Variants in KCNMB2 observed in about 807,000 individuals in gnomAD.
KCNMB2 encodes the protein calcium-activated potassium channel subunit beta-2.
In KCNMB2, 9 loss-of-function variants were observed where a neutral mutation model predicts 24.5. The observed-to-expected ratio is 0.37, with a 90% CI of 0.22 to 0.64. The LOEUF (loss-of-function observed/expected upper bound fraction) is 0.64. Ranked by LOEUF, KCNMB2 falls within the 30% of genes least tolerant of loss-of-function variation. KCNMB2 has a pLI of 0.63. For synonymous variants in KCNMB2, 109 were observed against 104.4 expected (o/e 1.04, Z -0.27); for missense variants, 226 against 284.3 (o/e 0.79, Z 1.47).
At chr3:178,835,301 G>A (rs750299062) in intron 4 of KCNMB2, among the ~76,000 whole-genome samples, 13 of 152,068 alleles carry the variant, frequency 8.5e-5, no homozygotes, top group Non-Finnish European at 1.5e-4. Flanking sequence ...CGGTCCACTT[G>A]CCAAAATCAA....
chr3:178,828,350 G>A lies in KCNMB2; in HGVS notation c.400G>A (p.Glu134Lys). ...AAAGCTCCTCCTCTACCACACAGAA[G>A]AGACAATAAAAATCAATCAGAAGGT... ...GEKLLLYHTEETIKINQKCSY... is the reference protein window; with the variant it reads ...GEKLLLYHTEKTIKINQKCSY... The change falls in exon 4 of 5, where the codon GAG becomes AAG. Residue 134 changes from glutamate to lysine, a missense_variant. By Grantham distance (56) the Glu-to-Lys change is moderately conservative (BLOSUM62 1). Transcript: ENST00000452583. 1 of 1,613,616 alleles carries A rather than the reference G, an allele frequency of 6.2e-7. No homozygotes were observed. The highest frequency in any genetic ancestry group is 8.5e-7 in the Non-Finnish European group (1 of 1,179,740).
At chr3:178,729,132 A>G (rs1422676297) in intron 1 of KCNMB2, among the ~76,000 whole-genome samples, 2 of 152,212 alleles carry the variant, frequency 1.3e-5, no homozygotes. Context: ...ATTGCTAGTC[A>G]GGTTTGTTAA....
intron 1 of KCNMB2, 45 bp from the exon 2 acceptor site, chr3:178,807,298 T>G: frequency 7.8e-6 from 6 of 773,686 alleles, no homozygotes; most frequent in Non-Finnish European, 1.3e-5. Flanking sequence ...GTCAATCCAC[T>G]GAGAGCTATT....
chr3:178,772,745 T>C (rs1326539189), intron 1 of KCNMB2, among the ~76,000 whole-genome samples: 4 of 152,208 alleles, frequency 2.6e-5, no homozygotes, highest in Admixed American at 1.3e-4. Context: ...TAAATAATTG[T>C]TTAAAAATGA....
chr3:178,667,194 A>G (rs2108577814), intron 1 of KCNMB2, among the ~76,000 whole-genome samples: 1 of 152,196 alleles, frequency 6.6e-6, no homozygotes, highest in Non-Finnish European at 1.5e-5. Flanking sequence ...GCCTATTCCA[A>G]TCTGATTGGT....
chr3:178,821,199 AG>A (rs1714611738), intron 2 of KCNMB2, among the ~76,000 whole-genome samples: 1 of 152,208 alleles, frequency 6.6e-6, no homozygotes, highest in South Asian at 2.1e-4. Flanking sequence ...ATAGACAGAA[AG>A]AACCAAAGGG....
chr3:178,799,492 A>G (rs1713688928), intron 1 of KCNMB2, among the ~76,000 whole-genome samples: 1 of 152,170 alleles, frequency 6.6e-6, no homozygotes, highest in South Asian at 2.1e-4. Flanking sequence ...GAACTCTACA[A>G]TGAAAACTAT....
chr3:178,795,999 C>T (rs1713528101), intron 1 of KCNMB2, among the ~76,000 whole-genome samples: 1 of 152,088 alleles, frequency 6.6e-6, no homozygotes, highest in Non-Finnish European at 1.5e-5. Context: ...AACAGCTGGA[C>T]AGCGCTCTGG....
chr3:178,689,460 C>A (rs576582802), intron 1 of KCNMB2, among the ~76,000 whole-genome samples: 1 of 152,140 alleles, frequency 6.6e-6, no homozygotes, highest in South Asian at 2.1e-4. Flanking sequence ...AAGGTGAAAT[C>A]CCGTCTCTAC....
chr3:178,671,615 T>C (rs1328045386), intron 1 of KCNMB2, among the ~76,000 whole-genome samples: 1 of 152,068 alleles, frequency 6.6e-6, no homozygotes, highest in East Asian at 1.9e-4. Flanking sequence ...TTCTGGTCAG[T>C]CAAAAGGTTG....
intron 1 of KCNMB2, among the ~76,000 whole-genome samples, chr3:178,564,647 T>A (rs1716453692): frequency 6.6e-6 from 1 of 152,200 alleles, no homozygotes; most frequent in Non-Finnish European, 1.5e-5. Context: ...GGTAATTTAT[T>A]CCCATTTCTG....
chr3:178,735,909 T>C (rs1005033602), intron 1 of KCNMB2, among the ~76,000 whole-genome samples: 2 of 152,178 alleles, frequency 1.3e-5, no homozygotes, highest in Non-Finnish European at 1.5e-5. Flanking sequence ...GAACACAAAA[T>C]ACAGATGTGT....
intron 1 of KCNMB2, among the ~76,000 whole-genome samples, chr3:178,677,020 G>T (rs1721093084): frequency 6.6e-6 from 1 of 152,090 alleles, no homozygotes; most frequent in African/African-American, 2.4e-5. Context: ...AGAGCCAGTG[G>T]TCCCTATTCT....
intron 1 of KCNMB2, among the ~76,000 whole-genome samples, chr3:178,667,138 G>A (rs1202501066): frequency 6.6e-6 from 1 of 151,852 alleles, no homozygotes; most frequent in South Asian, 2.1e-4. Context: ...AGTGTACTTA[G>A]AGTCACGAAA....
chr3:178,818,788 C>G (rs1311514545), intron 2 of KCNMB2, among the ~76,000 whole-genome samples: 1 of 152,208 alleles, frequency 6.6e-6, no homozygotes, highest in African/African-American at 2.4e-5. Context: ...AATGCCCCCT[C>G]TAACTTCAAA....
chr3:178,573,847 G>A (rs1206804381), intron 1 of KCNMB2, among the ~76,000 whole-genome samples: 1 of 151,618 alleles, frequency 6.6e-6, no homozygotes, highest in East Asian at 1.9e-4. Context: ...TACACGTTTA[G>A]TGTTTAATAG....
intron 1 of KCNMB2, among the ~76,000 whole-genome samples, chr3:178,679,496 C>G (rs2108592563): frequency 6.6e-6 from 1 of 152,332 alleles, no homozygotes; most frequent in Middle Eastern, 3.4e-3. Context: ...AAGTTTTCCT[C>G]TCAGAGCTTT....
At chr3:178,574,383 T>C (rs974072163) in intron 1 of KCNMB2, among the ~76,000 whole-genome samples, 6 of 152,240 alleles carry the variant, frequency 3.9e-5, no homozygotes, top group Non-Finnish European at 8.8e-5. Context: ...CTTCCGGACA[T>C]ATCTTATCTC....
intron 1 of KCNMB2, among the ~76,000 whole-genome samples, chr3:178,558,362 G>T (rs1162129676): frequency 1.3e-5 from 2 of 152,158 alleles, no homozygotes; most frequent in African/African-American, 2.4e-5. Flanking sequence ...AAAAGGAGCT[G>T]TGTGTGTAGT....
Sources: allele counts gnomAD v4.1 joint callset (sites outside exome capture counted in the v4.1 genomes callset), GRCh38; gene constraint gnomAD v4.1.1; transcripts MANE v1.5; gene names NCBI Gene and HGNC (gene_info 2026-07-23, HGNC 2026-07-21).